Variants in SGK1 observed in about 807,000 individuals in gnomAD.
SGK1 encodes serine/threonine-protein kinase Sgk1.
In SGK1, 26 loss-of-function variants were observed where a neutral mutation model predicts 64.2. The ratio of observed to expected loss-of-function variants is 0.40; its 90% CI spans 0.30 to 0.56. The LOEUF (loss-of-function observed/expected upper bound fraction) is 0.56. Ranked by LOEUF, SGK1 falls within the 20% of genes least tolerant of loss-of-function variation. The probability of loss-of-function intolerance (pLI) is 0.38; values close to 1 mark genes in which losing one functional copy is unlikely to be tolerated. For missense variants in SGK1, 519 were observed against 645.6 expected (o/e 0.80, Z 2.12); for synonymous variants, 265 against 239.7 (o/e 1.11, Z -0.98).
intron 3 of SGK1, chr6:134,174,794 G>A (rs1199671834): frequency 6.2e-7 from 1 of 1,614,148 alleles, no homozygotes; most frequent in South Asian, 1.1e-5. Context: ...AGCAGCCTCA[G>A]TTTTCACCGT....
intron 2 of SGK1, among the ~76,000 whole-genome samples, chr6:134,211,261 G>A (rs949218029): frequency 3.3e-5 from 5 of 152,080 alleles, no homozygotes; most frequent in Non-Finnish European, 5.9e-5. Context: ...ACATAAATAT[G>A]TAAGTGGTCT....
At chr6:134,177,838 A>G (rs1022030039) in intron 3 of SGK1, 2 of 1,606,992 alleles carry the variant, frequency 1.2e-6, no homozygotes. Context: ...CACGAGCCAG[A>G]GACGGCTATC....
intron 3 of SGK1, among the ~76,000 whole-genome samples, chr6:134,205,635 A>G (rs1775757253): frequency 6.6e-6 from 1 of 152,128 alleles, no homozygotes; most frequent in African/African-American, 2.4e-5. Flanking sequence ...TAGCCTTGGT[A>G]TTTTCTGGCT....
intron 1 of SGK1, among the ~76,000 whole-genome samples, chr6:134,291,994 C>A (rs9493886): frequency 6.7e-6 from 1 of 150,298 alleles, no homozygotes; most frequent in Non-Finnish European, 1.5e-5. Context: ...ACCCAGGAGG[C>A]GGAGGTTACA....
At chr6:134,247,414 T>C (rs1227445846) in intron 2 of SGK1, among the ~76,000 whole-genome samples, 1 of 152,090 alleles carries the variant, frequency 6.6e-6, no homozygotes, top group Non-Finnish European at 1.5e-5. Flanking sequence ...AATTTACCTA[T>C]ATATGGCCCT....
At chr6:134,180,275 G>A (rs1439644423) in intron 3 of SGK1, 1 of 152,022 alleles carries the variant, frequency 6.6e-6, no homozygotes, top group Admixed American at 6.6e-5. Context: ...AATCTACATA[G>A]CAAGAAACAA....
intron 3 of SGK1, among the ~76,000 whole-genome samples, chr6:134,188,440 T>C (rs1425761509): frequency 6.6e-6 from 1 of 152,168 alleles, no homozygotes; most frequent in Non-Finnish European, 1.5e-5. Context: ...GCGGGTATCT[T>C]TTCAGCACTG....
At chr6:134,229,972 A>G (rs1048469378) in intron 2 of SGK1, among the ~76,000 whole-genome samples, 4 of 152,224 alleles carry the variant, frequency 2.6e-5, no homozygotes, top group South Asian at 2.1e-4. Context: ...AAGCCATTAA[A>G]AAGCCTATAT....
At chr6:134,171,432 T>C (rs555500870) in intron 11 of SGK1, 59 of 610,688 alleles carry the variant, frequency 9.7e-5, no homozygotes, top group Non-Finnish European at 1.7e-5. Context: ...ACAGGTTCAA[T>C]GTGGTCCTAT....
chr6:134,301,757 T>G (rs1440252972), intron 1 of SGK1, among the ~76,000 whole-genome samples: 1 of 151,818 alleles, frequency 6.6e-6, no homozygotes, highest in African/African-American at 2.4e-5. Context: ...GCCTGGCTAT[T>G]TTTTTTATTA....
Position 134,262,144 on chromosome 6 carries a change from C to T in SGK1, c.74G>A (p.Arg25Gln), listed in dbSNP as rs777696609. 4.6e-5 allele frequency: 72 copies of T among 1,577,696 alleles called. No homozygotes were observed. The highest frequency in any genetic ancestry group is 7.9e-5 in the South Asian group (7 of 88,156). The change falls in exon 2 of 14, where the codon CGA (arginine) becomes CAA (glutamine). Residue 25 changes from arginine (R) to glutamine (Q), a missense_variant. Around this residue, in one of 2 missense-constraint regions of SGK1, gnomAD observed 241 missense variants for 236.9 expected, o/e 1.02. Coordinates refer to ENST00000367858, the MANE Select transcript of SGK1 (RefSeq NM_001143676.3). The stretch of plus-strand genomic sequence containing the variant: ...GACCATTGGGCTCTTGATCCACCTT[C>T]GTACCTGCAATGTGCAAAAGGAAAG... ...SAFQFFKKRV[R>Q]RWIKSPMVSV...
At chr6:134,205,512 C>G (rs919671734) in intron 3 of SGK1, among the ~76,000 whole-genome samples, 1 of 151,972 alleles carries the variant, frequency 6.6e-6, no homozygotes, top group South Asian at 2.1e-4. Flanking sequence ...CTCTGACTCC[C>G]TTTTATGAAG....
At chr6:134,202,974 T>C (rs2114678466) in intron 3 of SGK1, among the ~76,000 whole-genome samples, 1 of 152,312 alleles carries the variant, frequency 6.6e-6, no homozygotes, top group Admixed American at 6.5e-5. Flanking sequence ...CTGGGTACAG[T>C]GGCTCATGCC....
At chr6:134,197,819 T>A in intron 3 of SGK1, among the ~76,000 whole-genome samples, 2 of 136,624 alleles carry the variant, frequency 1.5e-5, no homozygotes, top group African/African-American at 5.7e-5. Context: ...AAAGCAAGAC[T>A]CCATCTCAAA....
Position 134,173,189 on chromosome 6 carries a change from T to C in SGK1, c.703-35A>G, listed in dbSNP as rs748227558. The C allele has an allele frequency of 5.0e-6, 8 of 1,610,402 alleles. No homozygotes were observed. The South Asian group carries it at 8.8e-5, about 18-fold the overall frequency. On this transcript the variant is annotated intron_variant, in intron 7 of 13. Transcript: ENST00000367858. ...TGACGATTCAGATTTAGTGGCATGT[T>C]TCAACTTGGCACCAACATTCCAGAA...
At chr6:134,291,904 T>C (rs1417226371) in intron 1 of SGK1, among the ~76,000 whole-genome samples, 1 of 151,892 alleles carries the variant, frequency 6.6e-6, no homozygotes, top group Admixed American at 6.6e-5. Context: ...CTACTAAAAA[T>C]ACACATACAA....
intron 1 of SGK1, among the ~76,000 whole-genome samples, chr6:134,278,036 C>T (rs529526140): frequency 1.8e-4 from 28 of 152,300 alleles, no homozygotes; most frequent in African/African-American, 6.0e-4. Flanking sequence ...GGCGCTTATC[C>T]GTAAAATGAT....
chr6:134,172,934 C>T (rs879277969), intron 8 of SGK1, 89 bp downstream of exon 8: 2 of 1,457,774 alleles, frequency 1.4e-6, no homozygotes, highest in Non-Finnish European at 1.9e-6. Flanking sequence ...ATTCTCCCCA[C>T]CAAAAATCTT....
chr6:134,175,839 C>A, intron 3 of SGK1: 1 of 1,254,078 alleles, frequency 8.0e-7, no homozygotes, highest in Non-Finnish European at 1.0e-6. Context: ...GTGCTTTTGG[C>A]CAAAACCAAG....
Sources: allele counts gnomAD v4.1 joint callset (sites outside exome capture counted in the v4.1 genomes callset), GRCh38; gene constraint gnomAD v4.1.1; regional missense constraint gnomAD v4.1.1; transcripts MANE v1.5; gene names NCBI Gene and HGNC (gene_info 2026-07-23, HGNC 2026-07-21).